Variants in MAPKAP1 observed in about 807,000 individuals in gnomAD.
MAPKAP1 encodes MAPK associated protein 1, also known as target of rapamycin complex 2 subunit MAPKAP1.
In MAPKAP1, 20 loss-of-function variants were observed where a neutral mutation model predicts 65.7. That is an observed-to-expected ratio of 0.30 (90% CI 0.21 to 0.44). MAPKAP1 has a LOEUF of 0.44. Among genes scored for constraint, MAPKAP1 ranks in the 20% least tolerant of loss-of-function variants. MAPKAP1 has a pLI of 1.00. For missense variants in MAPKAP1, 423 were observed against 648.0 expected (o/e 0.65, Z 3.77); for synonymous variants, 222 against 244.3 (o/e 0.91, Z 0.85).
At chr9:125,469,921 TC>T (rs1033515026) in intron 9 of MAPKAP1, among the ~76,000 whole-genome samples, 1 of 152,172 alleles carries the variant, frequency 6.6e-6, no homozygotes, top group Admixed American at 6.5e-5. Context: ...GCCATGGTTG[TC>T]GGGTGTGTGT....
rs1359255502 is a variant in MAPKAP1, at chr9:125,687,316, AG to A, written c.-69-14674del. Among the ~76,000 whole-genome samples the A allele has an allele frequency of 2.0e-5, 3 of 152,296 alleles. No homozygotes were observed. The South Asian group carries it at 6.2e-4, about 32-fold the overall frequency. Reference sequence around the variant, plus strand: ...ATCTAGAGTTCCACGTTGCTGTCACAGGCTATGGATTAGTGACATCTGCTAT... The same window carrying A: ...ATCTAGAGTTCCACGTTGCTGTCACAGCTATGGATTAGTGACATCTGCTAT... On this transcript the variant is annotated intron_variant, in intron 1 of 11. Coordinates refer to ENST00000265960, the MANE Select transcript of MAPKAP1 (RefSeq NM_001006617.3).
chr9:125,596,407 G>C, intron 4 of MAPKAP1: 2 of 813,682 alleles, frequency 2.5e-6, no homozygotes, highest in Non-Finnish European at 4.3e-6. Flanking sequence ...AATGGATTTG[G>C]TACTGATGGA....
intron 6 of MAPKAP1, among the ~76,000 whole-genome samples, chr9:125,548,529 G>T (rs542809560): frequency 6.6e-6 from 1 of 152,072 alleles, no homozygotes; most frequent in South Asian, 2.1e-4. Flanking sequence ...CTGCTTTCAC[G>T]GATAACAACA....
intron 8 of MAPKAP1, among the ~76,000 whole-genome samples, chr9:125,488,834 T>C (rs1340992938): frequency 6.6e-6 from 1 of 152,080 alleles, no homozygotes; most frequent in East Asian, 1.9e-4. Flanking sequence ...GGCCAGAAAA[T>C]AGTACAAGGC....
At chr9:125,550,302 G>A (rs142779520) in intron 6 of MAPKAP1, among the ~76,000 whole-genome samples, 2 of 152,212 alleles carry the variant, frequency 1.3e-5, no homozygotes, top group East Asian at 3.9e-4. Flanking sequence ...GACAGACTCC[G>A]ACATAAGCTG....
chr9:125,685,471 G>A (rs944269498), intron 1 of MAPKAP1, among the ~76,000 whole-genome samples: 1 of 152,204 alleles, frequency 6.6e-6, no homozygotes, highest in South Asian at 2.1e-4. Context: ...GAAAGACTGG[G>A]GTGAGTCTGT....
At chr9:125,442,007 T>C (rs1293695758) in intron 11 of MAPKAP1, among the ~76,000 whole-genome samples, 1 of 151,516 alleles carries the variant, frequency 6.6e-6, no homozygotes, top group East Asian at 1.9e-4. Flanking sequence ...CGGGTGCCTG[T>C]AATCCCAGCT....
intron 8 of MAPKAP1, among the ~76,000 whole-genome samples, chr9:125,500,630 T>C (rs747709998): frequency 3.9e-5 from 6 of 152,124 alleles, no homozygotes; most frequent in Non-Finnish European, 8.8e-5. Flanking sequence ...CCTGGAAAGA[T>C]ATGGAAGAAA....
chr9:125,585,435 T>C, intron 5 of MAPKAP1, 120 bp downstream of exon 5: 1 of 1,030,966 alleles, frequency 9.7e-7, no homozygotes, highest in Non-Finnish European at 1.4e-6. Flanking sequence ...CACCCAGAGC[T>C]GGATCAGTGC....
At chr9:125,688,779 A>G (rs1835066479) in intron 1 of MAPKAP1, among the ~76,000 whole-genome samples, 1 of 152,182 alleles carries the variant, frequency 6.6e-6, no homozygotes, top group African/African-American at 2.4e-5. Flanking sequence ...TCACAAAGCT[A>G]TGAGGTAGAT....
chr9:125,641,099 T>C (rs1347721957), intron 4 of MAPKAP1, among the ~76,000 whole-genome samples: 1 of 152,202 alleles, frequency 6.6e-6, no homozygotes, highest in Non-Finnish European at 1.5e-5. Context: ...CTGTGTATAT[T>C]AGATGCTGTG....
At chr9:125,532,768 G>T (rs1230468521) in intron 7 of MAPKAP1, among the ~76,000 whole-genome samples, 2 of 152,134 alleles carry the variant, frequency 1.3e-5, no homozygotes, top group East Asian at 3.8e-4. Flanking sequence ...AAATAAACCG[G>T]TTAAGGGGTA....
At chr9:125,539,156 T>C (rs1040831012) in intron 7 of MAPKAP1, among the ~76,000 whole-genome samples, 1 of 152,184 alleles carries the variant, frequency 6.6e-6, no homozygotes, top group Non-Finnish European at 1.5e-5. Context: ...AAAGCTAACA[T>C]TTTTCTTTCA....
chr9:125,500,344 T>A (rs1828934972), intron 8 of MAPKAP1, among the ~76,000 whole-genome samples: 1 of 148,396 alleles, frequency 6.7e-6, no homozygotes, highest in Non-Finnish European at 1.5e-5. Flanking sequence ...CCTGCCACCA[T>A]CCCTGGCTTT....
rs569245268 is a variant in MAPKAP1 at position 125,445,113 on chromosome 9, C to T, written c.1346-515G>A. Among the ~76,000 whole-genome samples, 4 of 151,766 alleles carry T rather than the reference C, an allele frequency of 2.6e-5. No individual in the cohort carries two copies. The East Asian group carries it at 7.8e-4, about 30-fold the overall frequency. The stretch of plus-strand genomic sequence containing the variant: ...CCTGCTGGAAGCTGCTCCCAAAGGC[C>T]TCAGGTCATCTCAACCCTGGGAGGA... On this transcript the variant is annotated intron_variant, in intron 10 of 11. Transcript: ENST00000265960.
intron 8 of MAPKAP1, among the ~76,000 whole-genome samples, chr9:125,496,006 T>G (rs1289278549): frequency 1.3e-5 from 2 of 152,224 alleles, no homozygotes; most frequent in East Asian, 3.8e-4. Flanking sequence ...TGCAGTTCAC[T>G]ATGGGCTTTT....
chr9:125,449,291 G>A (rs1010071436), intron 10 of MAPKAP1, among the ~76,000 whole-genome samples: 8 of 152,162 alleles, frequency 5.3e-5, no homozygotes, highest in Admixed American at 3.9e-4. Flanking sequence ...GATAGCATCT[G>A]TCAGTGATCT....
At chr9:125,552,765 C>A (rs548124478) in intron 6 of MAPKAP1, among the ~76,000 whole-genome samples, 22 of 152,268 alleles carry the variant, frequency 1.4e-4, no homozygotes, top group African/African-American at 5.1e-4. Flanking sequence ...AATTTACAGA[C>A]TAAGTTTCAG....
At chr9:125,458,279 G>T (rs530919466) in intron 10 of MAPKAP1, among the ~76,000 whole-genome samples, 30 of 151,174 alleles carry the variant, frequency 2.0e-4, no homozygotes, top group African/African-American at 7.3e-4. Flanking sequence ...GATTTGGCAG[G>T]GTCATATGAC....
Sources: gnomAD v4.1 joint callset for allele counts (sites outside exome capture counted in the v4.1 genomes callset) on GRCh38, gnomAD v4.1.1 for gene constraint, MANE v1.5 for transcripts, NCBI Gene and HGNC (gene_info 2026-07-23, HGNC 2026-07-21) for gene names.